The following STAT6 variants were observed in gnomAD, a reference collection of about 807,000 sequenced individuals.
STAT6 encodes signal transducer and activator of transcription 6.
In STAT6, 45 loss-of-function variants were observed where a neutral mutation model predicts 106.3. The observed-to-expected ratio is 0.42, with a 90% CI of 0.33 to 0.54. STAT6 has a LOEUF of 0.54. Among genes scored for constraint, STAT6 ranks in the 20% least tolerant of loss-of-function variants. STAT6 has a pLI of 0.06. For synonymous variants in STAT6, 413 were observed against 413.6 expected, an observed-to-expected ratio of 1.00 and a Z score of 0.02; for missense variants, 797 against 1,062.2, an observed-to-expected ratio of 0.75 and a Z score of 3.47.
Position 57,099,359 on chromosome 12 carries a change from A to G in STAT6, c.1826T>C (p.Leu609Pro). The change falls in exon 16 of 22, where the codon CTT (leucine) becomes CCT (proline). Residue 609 changes from leucine to proline, a missense_variant. Coordinates refer to ENST00000300134, the MANE Select transcript of STAT6 (RefSeq NM_003153.5). The surrounding 1 kb of genome is among the most constrained non-coding windows in gnomAD (Gnocchi z 4.7). The stretch of plus-strand genomic sequence containing the variant: ...GGGATAGAGATTTTTGAGCTGAGCA[A>G]GATCCCGGATTCGGTCCCCCAGTGA... ...IRSLGDRIRD[L>P]AQLKNLYPKK... 1 of 1,614,192 alleles carries G rather than the reference A, an allele frequency of 6.2e-7. No homozygotes were observed. The highest frequency in any genetic ancestry group is 8.5e-7 in the Non-Finnish European group (1 of 1,180,028).
chr12:57,096,152 C>G lies in STAT6; in HGVS notation c.*420G>C. The G allele has an allele frequency of 5.8e-6, 1 of 171,428 alleles. No individual in the cohort carries two copies. The highest frequency in any genetic ancestry group is 1.7e-4 in the East Asian group (1 of 5,902). The allele number at this position is 171,428 out of a possible 1,614,324, so 10.6% of individuals were successfully genotyped here. A position where few individuals can be genotyped will look rare whatever the true frequency, so the allele number is the denominator to read the frequency against. On this transcript the variant is annotated 3_prime_UTR_variant, in exon 22 of 22. Transcript: ENST00000300134. The stretch of plus-strand genomic sequence containing the variant: ...TCTAGTGTAAATGTGTCTGTATGTT[C>G]CTGCCTATCCGTCCTAGGCCCTGGG...
rs1415463289 is a variant in STAT6, at chr12:57,106,225, G to T, written c.646C>A (p.Pro216Thr). Residue 216 changes from proline to threonine, a missense_variant, in exon 7 of 22, where the codon CCG becomes ACG. By Grantham distance (38) the Pro-to-Thr change is conservative. This residue lies in a region of STAT6 where 336 missense variants were observed against 429.8 expected (regional missense o/e 0.78). Transcript: ENST00000300134. ...AGTGGGGCCAGGCTCTCCTCAAACG[G>T]TGCGCCATTCCCTGCCAGCTGCTGC... ...RQQQLAGNGA[P>T]FEESLAPLQE... The T allele has an allele frequency of 6.2e-7, 1 of 1,614,160 alleles. No individual in the cohort carries two copies. The highest frequency in any genetic ancestry group is 1.7e-5 in the Admixed American group (1 of 60,022).
chr12:57,105,481 T>C lies in STAT6; in HGVS notation c.799A>G (p.Thr267Ala), dbSNP rs762223545. The change falls in exon 8 of 22, where the codon ACC becomes GCC. Residue 267 changes from threonine to alanine, a missense_variant. Around this residue, in one of 4 missense-constraint regions of STAT6, gnomAD observed 336 missense variants for 429.8 expected, o/e 0.78. Transcript: ENST00000300134. ...LTGRLDEVLR[T>A]LVTSCFLVEK... ...CCCGGGGAATACCTGGTGACGAGGGTTCTCAGGACTTCATCCAGCCGGCCA... is the reference window on the plus strand; with the variant it reads ...CCCGGGGAATACCTGGTGACGAGGGCTCTCAGGACTTCATCCAGCCGGCCA... 5 of 1,613,940 alleles carry C rather than the reference T, an allele frequency of 3.1e-6. No individual in the cohort carries two copies. The East Asian group carries it at 1.1e-4, about 36-fold the overall frequency.
Position 57,105,335 on chromosome 12 carries a change from A to G in STAT6, c.817T>C (p.Phe273Leu), listed in dbSNP as rs1313057644. ...TGGGGGGGCTGCTTCTCCACCAGGA[A>G]GCAACTGGGAGTGAGGAGGACACAA... The part of the protein sequence containing the change: ...EVLRTLVTSC[F>L]LVEKQPPQVL... Residue 273 changes from phenylalanine to leucine, a missense_variant, in exon 9 of 22, where the codon TTC becomes CTC. Physicochemically the swap from Phe to Leu is conservative, Grantham distance 22. Coordinates refer to ENST00000300134, the MANE Select transcript of STAT6 (RefSeq NM_003153.5). 6.2e-7 allele frequency: 1 copy of G among 1,613,930 alleles called. No individual in the cohort carries two copies. Among genetic ancestry groups the G allele is most frequent in the Non-Finnish European group, 8.5e-7 (1 of 1,179,860 alleles).
rs2034368630 is a variant in STAT6, at chr12:57,107,785, C to T, written c.117-42G>A. The T allele has an allele frequency of 3.1e-6, 5 of 1,611,060 alleles. No homozygotes were observed. The African/African-American group carries it at 4.0e-5, about 13-fold the overall frequency. The stretch of plus-strand genomic sequence containing the variant: ...ATGAGGCTACCTCAGGCCAGGGCTT[C>T]CTCAGCTCTCCTGACCCTTTACCCC... On this transcript the variant is annotated intron_variant, in intron 2 of 21. Coordinates refer to ENST00000300134, the MANE Select transcript of STAT6 (RefSeq NM_003153.5).
rs184280062 is a variant in STAT6 at position 57,096,273 on chromosome 12, G to C, written c.*299C>G. The C allele has an allele frequency of 1.5e-3, 577 of 374,362 alleles. 4 individuals are homozygous for C. Among genetic ancestry groups the C allele is most frequent in the African/African-American group, 0.011 (516 of 47,380 alleles). 23.2% of individuals were successfully genotyped at this position (374,362 alleles called of 1,614,324 possible). A position where few individuals can be genotyped will look rare whatever the true frequency, so the allele number is the denominator to read the frequency against. On this transcript the variant is annotated 3_prime_UTR_variant, in exon 22 of 22. Coordinates refer to ENST00000300134, the MANE Select transcript of STAT6 (RefSeq NM_003153.5). Reference sequence around the variant, plus strand: ...ATCACCCTCAGAGAGCTCTGTATGTGTGTGTGCGTGCGTGTGCGCGCTGCA... The same window carrying C: ...ATCACCCTCAGAGAGCTCTGTATGTCTGTGTGCGTGCGTGTGCGCGCTGCA...
At chr12:57,101,697 C>T (rs2033946091) in intron 13 of STAT6, among the ~76,000 whole-genome samples, 1 of 137,230 alleles carries the variant, frequency 7.3e-6, no homozygotes, top group African/African-American at 2.8e-5. Flanking sequence ...CAGAGTCTTG[C>T]TCTGTCACCC....
At chr12:57,098,052 A>T (rs2033563421) in intron 19 of STAT6, among the ~76,000 whole-genome samples, 1 of 152,200 alleles carries the variant, frequency 6.6e-6, no homozygotes, top group African/African-American at 2.4e-5. Flanking sequence ...AGTCTATACC[A>T]TCTAGGTTTG....
chr12:57,099,161 G>T lies in STAT6; in HGVS notation c.1892-83C>A. On this transcript the variant is annotated intron_variant, in intron 16 of 21. Coordinates refer to ENST00000300134, the MANE Select transcript of STAT6 (RefSeq NM_003153.5). The surrounding 1 kb of genome is among the most constrained non-coding windows in gnomAD (Gnocchi z 4.7). ...GTGGAAAAGGTGGGCATGGATCATG[G>T]GGAAGTAAGAGAAGCACAGCTATGA... 6.3e-7 allele frequency: 1 copy of T among 1,599,156 alleles called. No individual in the cohort carries two copies. Among genetic ancestry groups the T allele is most frequent in the East Asian group, 2.2e-5 (1 of 44,830 alleles).
chr12:57,095,519 GA>G lies in STAT6; in HGVS notation c.*1052del. On this transcript the variant is annotated 3_prime_UTR_variant, in exon 22 of 22. Coordinates refer to ENST00000300134, the MANE Select transcript of STAT6 (RefSeq NM_003153.5). ...GAGAGGGAGAATGGGATAGGGGAGT[GA>G]AGGGAAGCTGGCGGTGGATGGGGCA... 6.5e-6 allele frequency: 1 copy of G among 152,852 alleles called. No homozygotes were observed. Among genetic ancestry groups the G allele is most frequent in the Non-Finnish European group, 1.5e-5 (1 of 68,098 alleles). The allele number at this position is 152,852 out of a possible 1,614,324, so 9.5% of individuals were successfully genotyped here.
chr12:57,104,898 T>C, intron 9 of STAT6, 85 bp from the exon 10 acceptor site: 1 of 1,446,750 alleles, frequency 6.9e-7, no homozygotes, highest in Non-Finnish European at 9.6e-7. Context: ...GACTACCCAC[T>C]GTCACCAGCC....
Position 57,096,900 on chromosome 12 carries a change from C to T in STAT6, c.2304G>A (p.Val768=), listed in dbSNP as rs780219389. 3 of 1,614,178 alleles carry T rather than the reference C, an allele frequency of 1.9e-6. No homozygotes were observed. Among genetic ancestry groups the T allele is most frequent in the Non-Finnish European group, 2.5e-6 (3 of 1,180,042 alleles). ...DPLLCSDVTM[V]EDSCLSQPVT... ...CTGGCTGGCTCAGGCAGCTGTCTTC[C>T]ACCATGGTCACATCTGAGCAGAGCA... is the stretch of plus-strand genomic sequence containing the variant. The change falls in exon 21 of 22, where the codon GTG becomes GTA. Residue 768 remains valine (V), a synonymous_variant. Transcript: ENST00000300134.
At chr12:57,098,719 T>C in intron 18 of STAT6, 73 bp downstream of exon 18, 1 of 1,560,728 alleles carries the variant, frequency 6.4e-7, no homozygotes, top group Non-Finnish European at 8.8e-7. Context: ...CAGTGCCAGC[T>C]CTCCCAGCTG....
At chr12:57,108,367 A>C (rs1270149091) in intron 1 of STAT6, 68 bp from the exon 2 acceptor site, 1 of 824,124 alleles carries the variant, frequency 1.2e-6, no homozygotes, top group African/African-American at 1.7e-5. Flanking sequence ...TGGGGCAGCC[A>C]GGGACCTCCC....
rs1368878223 is a variant in STAT6 at position 57,099,145 on chromosome 12, G to A, written c.1892-67C>T. ...TTAGGGAGGAAGGGAGGTGGAAAAG[G>A]TGGGCATGGATCATGGGGAAGTAAG... On this transcript the variant is annotated intron_variant, in intron 16 of 21. Transcript: ENST00000300134. This position sits in a 1 kb window ranked among gnomAD's most constrained non-coding sequence, Gnocchi z 4.7. 2 of 1,605,084 alleles carry A rather than the reference G, an allele frequency of 1.2e-6. No individual in the cohort carries two copies. Among genetic ancestry groups the A allele is most frequent in the Admixed American group, 3.3e-5 (2 of 59,980 alleles).
At chr12:57,104,156 C>T in intron 11 of STAT6, 4 of 359,472 alleles carry the variant, frequency 1.1e-5, no homozygotes, top group Non-Finnish European at 2.1e-5. Context: ...ATAATACTGC[C>T]TACCTCATAA....
chr12:57,101,386 C>CT lies in STAT6; in HGVS notation c.1512+903dup, dbSNP rs60908631. Reference sequence around the variant, plus strand: ...ACAGGTGTGAGCCACCACACCTAGCCTTTTTTTTTTTTTTTTTTGATACAG... The same window carrying CT: ...ACAGGTGTGAGCCACCACACCTAGCCTTTTTTTTTTTTTTTTTTTGATACAG... On this transcript the variant is annotated intron_variant, in intron 13 of 21. Coordinates refer to ENST00000300134, the MANE Select transcript of STAT6 (RefSeq NM_003153.5). Among the ~76,000 whole-genome samples, 1,022 of 120,772 alleles carry CT rather than the reference C, an allele frequency of 8.5e-3. 12 individuals are homozygous for CT. The highest frequency in any genetic ancestry group is 0.023 in the African/African-American group (761 of 33,544). 79.2% of individuals were successfully genotyped at this position (120,772 alleles called of 152,430 possible). A position where few individuals can be genotyped will look rare whatever the true frequency, so the allele number is the denominator to read the frequency against.
Position 57,100,010 on chromosome 12 carries a change from G to T in STAT6, c.1593C>A (p.Ser531Arg), listed in dbSNP as rs1218247114. Residue 531 changes from serine to arginine, a missense_variant, in exon 14 of 22, where the codon AGC (serine) becomes AGA (arginine). Physicochemically the swap from Ser to Arg is moderately radical, Grantham distance 110. Transcript: ENST00000300134. ...VLDLTKRCLR[S>R]YWSDRLIIGF... is the part of the protein sequence containing the mutation. ...TGGGGACTCACCGGTCAGACCAGTA[G>T]CTCCGGAGACAGCGTTTGGTGAGGT... 1.2e-6 allele frequency: 2 copies of T among 1,613,638 alleles called. No homozygotes were observed. Among genetic ancestry groups the T allele is most frequent in the South Asian group, 2.2e-5 (2 of 90,970 alleles).
chr12:57,100,699 AG>A (rs1403083245), intron 13 of STAT6: 74 of 28,830 alleles, frequency 2.6e-3, no homozygotes, highest in African/African-American at 0.013. Context: ...AAAGAAAGAA[AG>A]AGAAAGAAAG....
Sources: allele counts gnomAD v4.1 joint callset (sites outside exome capture counted in the v4.1 genomes callset), GRCh38; gene constraint gnomAD v4.1.1; regional missense constraint gnomAD v4.1.1; non-coding constraint Gnocchi (gnomAD v3.1); transcripts MANE v1.5; gene names NCBI Gene and HGNC (gene_info 2026-07-23, HGNC 2026-07-21).